Variants in C4orf17 observed in about 807,000 individuals in gnomAD.
C4orf17 encodes chromosome 4 open reading frame 17, also known as uncharacterized protein C4orf17.
A neutral mutation model predicts 32.0 loss-of-function variants in C4orf17; 25 were observed. That is an observed-to-expected ratio of 0.78 (90% CI 0.57 to 1.09). The LOEUF is 1.09. Among genes scored for constraint, C4orf17 ranks in the 50% least tolerant of loss-of-function variants. C4orf17 has a pLI of 0.00. For missense variants in C4orf17, 420 were observed against 420.0 expected, an observed-to-expected ratio of 1.00 and a Z score of 0.00; for synonymous variants, 149 against 145.8, an observed-to-expected ratio of 1.02 and a Z score of -0.16.
chr4:99,521,991 C>T (rs1160850307), intron 2 of C4orf17, among the ~76,000 whole-genome samples: 1 of 152,308 alleles, frequency 6.6e-6, no homozygotes, highest in East Asian at 1.9e-4. Context: ...TCACAATCTA[C>T]CTTATCCTGT....
intron 4 of C4orf17, among the ~76,000 whole-genome samples, chr4:99,526,146 A>C (rs1338459173): frequency 6.6e-6 from 1 of 152,244 alleles, no homozygotes; most frequent in Non-Finnish European, 1.5e-5. Flanking sequence ...GATGACCTTT[A>C]TATGGCTGAG....
intron 5 of C4orf17, among the ~76,000 whole-genome samples, chr4:99,531,817 C>T (rs1723481696): frequency 6.6e-6 from 1 of 151,520 alleles, no homozygotes; most frequent in African/African-American, 2.4e-5. Flanking sequence ...GGAAATACTG[C>T]TCATCTTGGA....
intron 4 of C4orf17, among the ~76,000 whole-genome samples, chr4:99,526,641 C>T (rs940885156): frequency 1.6e-4 from 19 of 119,864 alleles, no homozygotes; most frequent in African/African-American, 5.3e-4. Flanking sequence ...AATTCAATTT[C>T]TTTTCTTTTC....
chr4:99,533,354 A>G (rs769244438), intron 5 of C4orf17, among the ~76,000 whole-genome samples: 6 of 152,210 alleles, frequency 3.9e-5, no homozygotes, highest in Non-Finnish European at 7.3e-5. Flanking sequence ...GCTGTAAAAA[A>G]CTATATAATT....
chr4:99,518,499 AAAAAAAAAAAAAAAAAAAAATATAT>A (rs1346849541), intron 2 of C4orf17, among the ~76,000 whole-genome samples: 4 of 53,418 alleles, frequency 7.5e-5, no homozygotes, highest in African/African-American at 5.4e-4. Context: ...AAAAAAAAAA[AAAAAAAAAAAAAAAAAAAAATATAT>A]ATATATATAT....
chr4:99,518,523 A>ATC (rs1214893427), intron 2 of C4orf17, among the ~76,000 whole-genome samples: 1 of 57,390 alleles, frequency 1.7e-5, no homozygotes, highest in African/African-American at 1.1e-4. Context: ...AAAAAAATAT[A>ATC]TATATATATA....
intron 6 of C4orf17, among the ~76,000 whole-genome samples, chr4:99,538,727 T>C (rs1004026070): frequency 6.6e-6 from 1 of 152,156 alleles, no homozygotes; most frequent in Non-Finnish European, 1.5e-5. Context: ...ATCAATAAAA[T>C]TACCACAGAC....
chr4:99,532,503 C>T (rs1371105257), intron 5 of C4orf17, among the ~76,000 whole-genome samples: 1 of 151,990 alleles, frequency 6.6e-6, no homozygotes, highest in Non-Finnish European at 1.5e-5. Flanking sequence ...ACACTGGGAA[C>T]ATGTAGACAT....
chr4:99,517,503 T>TA (rs1723207928), intron 2 of C4orf17, among the ~76,000 whole-genome samples: 1 of 152,154 alleles, frequency 6.6e-6, no homozygotes, highest in African/African-American at 2.4e-5. Context: ...CTTGACCCCT[T>TA]AGCTGCATTT....
intron 2 of C4orf17, among the ~76,000 whole-genome samples, chr4:99,518,540 T>TAGAGAGAGAGAGAGAG (rs1560585526): frequency 1.5e-5 from 1 of 68,830 alleles, no homozygotes; most frequent in Non-Finnish European, 2.5e-5. Flanking sequence ...TATATATATA[T>TAGAGAGAGAGAGAGAG]ATATAGAGAG....
intron 2 of C4orf17, among the ~76,000 whole-genome samples, chr4:99,519,891 CA>C (rs1723255694): frequency 6.6e-6 from 1 of 152,016 alleles, no homozygotes; most frequent in Non-Finnish European, 1.5e-5. Context: ...CAGAGGGAAA[CA>C]AATTCAAGGA....
At chr4:99,522,774 CTA>C in intron 3 of C4orf17, 65 bp downstream of exon 3, 3 of 1,226,780 alleles carry the variant, frequency 2.4e-6, no homozygotes, top group Non-Finnish European at 2.3e-6. Context: ...TGTGGGGAGT[CTA>C]TATGATGCTA....
At chr4:99,515,127 A>G (rs1220493874) in intron 2 of C4orf17, among the ~76,000 whole-genome samples, 1 of 152,212 alleles carries the variant, frequency 6.6e-6, no homozygotes, top group East Asian at 1.9e-4. Flanking sequence ...GTGAGGATAA[A>G]GGACTACATA....
chr4:99,521,985 A>G (rs1325184014), intron 2 of C4orf17, among the ~76,000 whole-genome samples: 1 of 152,170 alleles, frequency 6.6e-6, no homozygotes, highest in Non-Finnish European at 1.5e-5. Context: ...CTTCTTTCAC[A>G]ATCTACCTTA....
intron 2 of C4orf17, among the ~76,000 whole-genome samples, chr4:99,513,612 C>T (rs1171511545): frequency 1.3e-5 from 2 of 152,044 alleles, no homozygotes; most frequent in Non-Finnish European, 2.9e-5. Context: ...CTCTTGCTTC[C>T]TTCCCTTCTG....
intron 2 of C4orf17, among the ~76,000 whole-genome samples, chr4:99,519,726 G>A (rs142575594): frequency 6.6e-6 from 1 of 152,282 alleles, no homozygotes; most frequent in African/African-American, 2.4e-5. Flanking sequence ...AAGATGAGCA[G>A]GACCTCACTA....
chr4:99,527,910 C>T (rs1442339458), intron 4 of C4orf17, among the ~76,000 whole-genome samples: 1 of 152,128 alleles, frequency 6.6e-6, no homozygotes, highest in African/African-American at 2.4e-5. Flanking sequence ...TTTAGGTTTG[C>T]TATGTCTTCT....
chr4:99,529,280 A>G (rs1233780924), intron 4 of C4orf17, among the ~76,000 whole-genome samples: 2 of 152,316 alleles, frequency 1.3e-5, no homozygotes, highest in East Asian at 3.9e-4. Context: ...TAAAAATTGC[A>G]AACAGTATAC....
At chr4:99,533,801 T>C (rs933287041) in intron 5 of C4orf17, among the ~76,000 whole-genome samples, 5 of 129,160 alleles carry the variant, frequency 3.9e-5, no homozygotes, top group African/African-American at 1.6e-4. Flanking sequence ...AGAGTGAAGA[T>C]ACCTTGCGGG....
Sources: allele counts gnomAD v4.1 joint callset (sites outside exome capture counted in the v4.1 genomes callset), GRCh38; gene constraint gnomAD v4.1.1; transcripts MANE v1.5; gene names NCBI Gene and HGNC (gene_info 2026-07-23, HGNC 2026-07-21).